Variants in EPHB2 observed in about 807,000 individuals in gnomAD.
The protein encoded by EPHB2 is ephrin type-B receptor 2.
A neutral mutation model predicts 96.4 loss-of-function variants in EPHB2; 18 were observed. The observed-to-expected ratio is 0.19, with a 90% CI of 0.13 to 0.28. The LOEUF is 0.28. Among genes scored for constraint, EPHB2 ranks in the 10% least tolerant of loss-of-function variants. EPHB2 has a pLI of 1.00. For synonymous variants in EPHB2, 506 were observed against 534.1 expected, an observed-to-expected ratio of 0.95 and a Z score of 0.72; for missense variants, 989 against 1,355.4, an observed-to-expected ratio of 0.73 and a Z score of 4.25.
chr1:22,890,096 C>T (rs367595774), intron 6 of EPHB2, among the ~76,000 whole-genome samples: 3 of 152,074 alleles, frequency 2.0e-5, no homozygotes, highest in Admixed American at 1.3e-4. Flanking sequence ...GCTAAGGAGT[C>T]GGCCTTCACC....
intron 3 of EPHB2, among the ~76,000 whole-genome samples, chr1:22,816,586 G>A (rs930707837): frequency 6.6e-6 from 1 of 151,996 alleles, no homozygotes; most frequent in Non-Finnish European, 1.5e-5. Context: ...CCTCCCACCT[G>A]GACCCCTTGC....
chr1:22,751,750 AG>A (rs1483494211), intron 1 of EPHB2, among the ~76,000 whole-genome samples: 1 of 152,176 alleles, frequency 6.6e-6, no homozygotes, highest in East Asian at 1.9e-4. Flanking sequence ...GTGGGCTGGG[AG>A]GATCACCTGC....
intron 3 of EPHB2, 75 bp from the exon 4 acceptor site, chr1:22,862,962 G>T: frequency 6.3e-7 from 1 of 1,599,802 alleles, no homozygotes; most frequent in Non-Finnish European, 8.6e-7. Flanking sequence ...TGGCCCCTCC[G>T]TGAGGCTGCG....
intron 3 of EPHB2, among the ~76,000 whole-genome samples, chr1:22,798,891 G>T (rs961559031): frequency 6.6e-6 from 1 of 152,170 alleles, no homozygotes; most frequent in African/African-American, 2.4e-5. Flanking sequence ...TGGTTTCTCA[G>T]GGTGGACACC....
chr1:22,751,427 A>G (rs2165333), intron 1 of EPHB2, among the ~76,000 whole-genome samples: 149,759 of 152,330 alleles, frequency 0.98, 73,674 homozygotes, highest in Middle Eastern at 1. Flanking sequence ...TCTGAGCCCC[A>G]AGGCCCAAGC....
chr1:22,892,504 T>C (rs1323961241), intron 6 of EPHB2, among the ~76,000 whole-genome samples: 3 of 152,170 alleles, frequency 2.0e-5, no homozygotes, highest in African/African-American at 7.2e-5. Flanking sequence ...CTCCTCCTGT[T>C]TCTCATGCTG....
chr1:22,719,637 G>GC (rs902591778), intron 1 of EPHB2: 25 of 152,398 alleles, frequency 1.6e-4, no homozygotes, highest in African/African-American at 5.1e-4. Context: ...TCCTGGATCT[G>GC]CCCCTGTTAC....
chr1:22,730,403 T>A (rs1643681786), intron 1 of EPHB2, among the ~76,000 whole-genome samples: 1 of 152,136 alleles, frequency 6.6e-6, no homozygotes, highest in Non-Finnish European at 1.5e-5. Context: ...TTACCAGCCA[T>A]GTGGCTGTGG....
intron 13 of EPHB2, 73 bp from the exon 14 acceptor site, chr1:22,910,309 A>C: frequency 6.3e-7 from 1 of 1,584,910 alleles, no homozygotes. Context: ...TACTGGGGGT[A>C]AGATGGGCCT....
intron 14 of EPHB2, 39 bp from the exon 15 acceptor site, chr1:22,912,405 G>A (rs1640133746): frequency 6.2e-7 from 1 of 1,612,768 alleles, no homozygotes; most frequent in Admixed American, 1.7e-5. Flanking sequence ...CCTGCAAACA[G>A]GTGCCCTGAC....
chr1:22,914,060 G>A lies in EPHB2; in HGVS notation c.*490G>A. 1 of 705,668 alleles carries A rather than the reference G, an allele frequency of 1.4e-6. No individual in the cohort carries two copies. Among genetic ancestry groups the A allele is most frequent in the South Asian group, 2.2e-5 (1 of 45,734 alleles). 43.7% of individuals were successfully genotyped at this position (705,668 alleles called of 1,614,324 possible). On this transcript the variant is annotated 3_prime_UTR_variant, in exon 16 of 16. Transcript: ENST00000374630. ...CCTCTAGGCCTCACTCAACAACCAA[G>A]CGCCTGGAGGACGGGACAGATGGAC...
chr1:22,750,015 A>G (rs1644038302), intron 1 of EPHB2, among the ~76,000 whole-genome samples: 1 of 152,216 alleles, frequency 6.6e-6, no homozygotes, highest in East Asian at 1.9e-4. Flanking sequence ...CAAAGACCTT[A>G]ACCTGCATTA....
At chr1:22,811,276 C>T (rs190775089) in intron 3 of EPHB2, among the ~76,000 whole-genome samples, 3 of 152,284 alleles carry the variant, frequency 2.0e-5, no homozygotes, top group Admixed American at 1.3e-4. Context: ...TCGGGTCCAA[C>T]GTTTGTGAAC....
intron 3 of EPHB2, among the ~76,000 whole-genome samples, chr1:22,851,141 T>C (rs1217632285): frequency 1.3e-5 from 2 of 152,138 alleles, no homozygotes; most frequent in African/African-American, 4.8e-5. Flanking sequence ...ACCACAGGCT[T>C]GTGCCACCAC....
Position 22,792,043 on chromosome 1 carries a change from C to T in EPHB2, c.811+6967C>T, listed in dbSNP as rs77025755. Among the ~76,000 whole-genome samples the T allele has an allele frequency of 4.1e-4, 62 of 152,314 alleles. No homozygotes were observed. The East Asian group carries it at 0.012, about 28-fold the overall frequency. On this transcript the variant is annotated intron_variant, in intron 3 of 15. Coordinates refer to ENST00000374630, the MANE Select transcript of EPHB2 (RefSeq NM_017449.5). ...GCCTGTGGCTTTATTTTCTGTTTCA[C>T]TCCAGAATCCTGTGCTTCCCAGCCA... is the stretch of plus-strand genomic sequence containing the variant.
chr1:22,803,914 A>G (rs1311936723), intron 3 of EPHB2, among the ~76,000 whole-genome samples: 1 of 22,974 alleles, frequency 4.4e-5, no homozygotes, highest in Non-Finnish European at 9.5e-4. Context: ...ACCCTGTCTC[A>G]AGAGAAAAAA....
At chr1:22,830,372 A>G (rs190657734) in intron 3 of EPHB2, among the ~76,000 whole-genome samples, 12 of 152,260 alleles carry the variant, frequency 7.9e-5, no homozygotes, top group Admixed American at 5.9e-4. Context: ...CGCACCAGGG[A>G]AAGGGCCAGA....
intron 3 of EPHB2, among the ~76,000 whole-genome samples, chr1:22,792,237 G>A (rs1048828004): frequency 3.9e-5 from 6 of 152,126 alleles, no homozygotes; most frequent in African/African-American, 1.4e-4. Context: ...TGGGAGGGAG[G>A]CCGCCAGCTG....
intron 5 of EPHB2, among the ~76,000 whole-genome samples, chr1:22,880,558 C>G (rs1639005043): frequency 6.6e-6 from 1 of 152,258 alleles, no homozygotes; most frequent in South Asian, 2.1e-4. Flanking sequence ...CAGCGTCACA[C>G]CACGGGTGTG....
Sources: gnomAD v4.1 joint callset for allele counts (sites outside exome capture counted in the v4.1 genomes callset) on GRCh38, gnomAD v4.1.1 for gene constraint, MANE v1.5 for transcripts, NCBI Gene and HGNC (gene_info 2026-07-23, HGNC 2026-07-21) for gene names.